The following SOD2 variants were observed in gnomAD, a reference collection of about 807,000 sequenced individuals.
SOD2 encodes the protein superoxide dismutase 2.
Under a neutral mutation model 27.0 loss-of-function variants are expected in SOD2, and 11 were observed. The observed-to-expected ratio is 0.41, with a 90% CI of 0.26 to 0.67. The LOEUF (loss-of-function observed/expected upper bound fraction) is 0.67, where lower values mean the gene tolerates loss of function less well. Among genes scored for constraint, SOD2 ranks in the 30% least tolerant of loss-of-function variants. The pLI, the probability that SOD2 is intolerant of heterozygous loss-of-function variation, is 0.34. For missense variants in SOD2, 250 were observed against 274.5 expected, an observed-to-expected ratio of 0.91 and a Z score of 0.63; for synonymous variants, 105 against 103.0, an observed-to-expected ratio of 1.02 and a Z score of -0.12.
exon 1 of SOD2, chr6:159,761,968 A>AGGTGGAGGGCGAGGGGC (rs1216630626): frequency 2.7e-6 from 3 of 1,119,024 alleles, no homozygotes; most frequent in Non-Finnish European, 2.6e-6. Flanking sequence ...GTGCGCGGGG[A>AGGTGGAGGGCGAGGGGC]GGTGGAGGGC....
At chr6:159,744,006 T>C (rs1001718056) in intron 1 of SOD2, among the ~76,000 whole-genome samples, 7 of 152,206 alleles carry the variant, frequency 4.6e-5, no homozygotes, top group African/African-American at 1.7e-4. Context: ...TTTAAGTTTT[T>C]TTTGAAATTT....
chr6:159,759,681 A>G (rs932788795), intron 1 of SOD2, among the ~76,000 whole-genome samples: 2 of 152,004 alleles, frequency 1.3e-5, no homozygotes, highest in African/African-American at 4.8e-5. Flanking sequence ...AAAAAAAAAA[A>G]AAATTCCTCT....
intron 2 of SOD2, 35 bp downstream of exon 2, chr6:159,692,626 G>C (rs1243256136): frequency 6.2e-7 from 1 of 1,608,140 alleles, no homozygotes; most frequent in Non-Finnish European, 8.5e-7. Context: ...CGCCTCTGCC[G>C]GGGACTGCCT....
chr6:159,756,902 C>G (rs1469878322), intron 1 of SOD2, among the ~76,000 whole-genome samples: 1 of 152,048 alleles, frequency 6.6e-6, no homozygotes, highest in Non-Finnish European at 1.5e-5. Context: ...CAGCTCCTGG[C>G]CCTTTTTGAG....
At chr6:159,706,135 A>G (rs1301013734) in intron 1 of SOD2, among the ~76,000 whole-genome samples, 1 of 152,222 alleles carries the variant, frequency 6.6e-6, no homozygotes, top group Non-Finnish European at 1.5e-5. Flanking sequence ...CATAGAAAGG[A>G]ACAACTGGTA....
Position 159,679,330 on chromosome 6 carries a change from T to G in SOD2, c.*3163A>C, listed in dbSNP as rs1779851320. On this transcript the variant is annotated 3_prime_UTR_variant, in exon 5 of 5. Coordinates refer to ENST00000538183, the MANE Select transcript of SOD2 (RefSeq NM_000636.4). ...GTGAGAAACAGTAATTTGTAAAACA[T>G]TTACCTAATAATAGCTTTCCCAAAC... 1 of 152,236 alleles carries G rather than the reference T, an allele frequency of 6.6e-6. No homozygotes were observed. The highest frequency in any genetic ancestry group is 2.4e-5 in the African/African-American group (1 of 41,456). The allele number at this position is 152,236 out of a possible 1,614,324, so 9.4% of individuals were successfully genotyped here.
upstream of SOD2, chr6:159,748,522 T>C: frequency 7.0e-7 from 1 of 1,425,152 alleles, no homozygotes; most frequent in Non-Finnish European, 9.2e-7. The surrounding 1 kb of genome is among the most constrained non-coding windows in gnomAD (Gnocchi z 5.6). Context: ...CTTGTAATGG[T>C]TAATGTAAAA....
intron 1 of SOD2, among the ~76,000 whole-genome samples, chr6:159,717,144 T>A (rs1777934520): frequency 6.6e-6 from 1 of 152,204 alleles, no homozygotes; most frequent in African/African-American, 2.4e-5. Context: ...TTCCAGTAGC[T>A]GGACAAGCCT....
At position 159,674,212 on chromosome 6, in the gene SOD2, TAG is replaced by T. The variant is rs1779729027; in HGVS notation, c.*8279_*8280del. The T allele has an allele frequency of 6.6e-6, 1 of 152,050 alleles. No individual in the cohort carries two copies. Among genetic ancestry groups the T allele is most frequent in the African/African-American group, 2.4e-5 (1 of 41,398 alleles). The allele number at this position is 152,050 out of a possible 1,614,324, so 9.4% of individuals were successfully genotyped here. On this transcript the variant is annotated 3_prime_UTR_variant, in exon 5 of 5. Transcript: ENST00000538183. ...TTCCTTCTGAAACTATTCCAATCAA[TAG>T]AAAAAGAGGGAATCCTCCCTAACTC...
chr6:159,761,500 G>A (rs756573824), exon 1 of SOD2: 1 of 455,820 alleles, frequency 2.2e-6, no homozygotes, highest in Non-Finnish European at 4.4e-6. Context: ...TCACGCGAGC[G>A]AATGACTGGC....
upstream of SOD2, among the ~76,000 whole-genome samples, chr6:159,745,882 A>G (rs1210766914): frequency 6.6e-6 from 1 of 152,212 alleles, no homozygotes; most frequent in African/African-American, 2.4e-5. Flanking sequence ...GGCACAATCA[A>G]TAGGACTTGT....
At chr6:159,745,417 T>G (rs1340956196), upstream of SOD2, among the ~76,000 whole-genome samples, 1 of 151,990 alleles carries the variant, frequency 6.6e-6, no homozygotes, top group African/African-American at 2.4e-5. Context: ...TCAACTATAA[T>G]GGAACCTAAC....
chr6:159,738,844 C>A (rs919299492), intron 1 of SOD2: 15 of 438,654 alleles, frequency 3.4e-5, no homozygotes, highest in Middle Eastern at 6.2e-4. Context: ...AAAAAAAAAA[C>A]TTTTGTAATA....
chr6:159,685,618 G>A (rs1168971913), intron 3 of SOD2, among the ~76,000 whole-genome samples: 2 of 152,084 alleles, frequency 1.3e-5, no homozygotes, highest in African/African-American at 2.4e-5. Context: ...GGTCTGGGGT[G>A]CAATTGATGC....
chr6:159,748,101 G>T, upstream of SOD2: 2 of 1,455,848 alleles, frequency 1.4e-6, no homozygotes, highest in African/African-American at 1.4e-5. The surrounding 1 kb of genome is among the most constrained non-coding windows in gnomAD (Gnocchi z 5.6). Flanking sequence ...TGAAAGAGTT[G>T]GTAAATCAAG....
At chr6:159,727,574 T>TAGGAGCGCGGCGGGGCC (rs1778267905), upstream of SOD2, 10 of 986,952 alleles carry the variant, frequency 1.0e-5, no homozygotes, top group South Asian at 9.1e-5. Flanking sequence ...GCGGCGGGAC[T>TAGGAGCGCGGCGGGGCC]AGGAGCGCGG....
At chr6:159,727,199 G>A (rs1337856766) in exon 1 of SOD2, 2 of 1,236,928 alleles carry the variant, frequency 1.6e-6, no homozygotes, top group Non-Finnish European at 1.0e-6. Flanking sequence ...AGTGTTACCG[G>A]GGAGCAGCTG....
rs1006125161 is a variant in SOD2, at chr6:159,677,447, A to G, written c.*5046T>C. 2 of 152,260 alleles carry G rather than the reference A, an allele frequency of 1.3e-5. No individual in the cohort carries two copies. The highest frequency in any genetic ancestry group is 2.9e-5 in the Non-Finnish European group (2 of 68,064). The allele number at this position is 152,260 out of a possible 1,614,324, so 9.4% of individuals were successfully genotyped here. On this transcript the variant is annotated 3_prime_UTR_variant, in exon 5 of 5. Transcript: ENST00000538183. The stretch of plus-strand genomic sequence containing the variant: ...ATCCCTTTCCAAATAGTATGCCAGT[A>G]CTATACCAAATAGTATACCACTTTA...
In SOD2 at chr6:159,675,207, A is replaced by G. The variant is rs1779751373; in HGVS notation, c.*7286T>C. ...TTATAGATTCAATGCCATCCCCATC[A>G]AGCTACCCATGACTTTCTTCATAGA... On this transcript the variant is annotated 3_prime_UTR_variant, in exon 5 of 5. Coordinates refer to ENST00000538183, the MANE Select transcript of SOD2 (RefSeq NM_000636.4). 6.6e-6 allele frequency: 1 copy of G among 152,238 alleles called. No individual in the cohort carries two copies. The highest frequency in any genetic ancestry group is 6.5e-5 in the Admixed American group (1 of 15,284). 9.4% of individuals were successfully genotyped at this position (152,238 alleles called of 1,614,324 possible). A position where few individuals can be genotyped will look rare whatever the true frequency, so the allele number is the denominator to read the frequency against.
Sources: gnomAD v4.1 joint callset for allele counts (sites outside exome capture counted in the v4.1 genomes callset) on GRCh38, gnomAD v4.1.1 for gene constraint, Gnocchi (gnomAD v3.1) non-coding constraint, MANE v1.5 for transcripts, NCBI Gene and HGNC (gene_info 2026-07-23, HGNC 2026-07-21) for gene names.